The following CA10 variants were observed in gnomAD, a reference collection of about 807,000 sequenced individuals.
CA10 encodes carbonic anhydrase 10 (inactive).
A neutral mutation model predicts 44.2 loss-of-function variants in CA10; 14 were observed. The observed-to-expected ratio is 0.32, with a 90% confidence interval of 0.21 to 0.50. The LOEUF (loss-of-function observed/expected upper bound fraction) is 0.50. CA10 is among the 20% of genes least tolerant of loss of function. The pLI is 0.99. For missense variants in CA10, 350 were observed against 409.7 expected, an observed-to-expected ratio of 0.85 and a Z score of 1.26; for synonymous variants, 159 against 141.6, an observed-to-expected ratio of 1.12 and a Z score of -0.87.
chr17:51,877,210 T>C (rs963659645), intron 3 of CA10, among the ~76,000 whole-genome samples: 1 of 152,340 alleles, frequency 6.6e-6, no homozygotes, highest in Middle Eastern at 3.4e-3. Flanking sequence ...TCAGCCAATG[T>C]TGCTGAGTAG....
At chr17:51,822,013 C>T (rs1220277920) in intron 3 of CA10, among the ~76,000 whole-genome samples, 8 of 152,284 alleles carry the variant, frequency 5.3e-5, no homozygotes, top group African/African-American at 1.4e-4. Context: ...CACACACTCA[C>T]CTGAGAGTTT....
intron 3 of CA10, among the ~76,000 whole-genome samples, chr17:51,754,194 G>C (rs543380798): frequency 8.3e-4 from 126 of 151,584 alleles, no homozygotes; most frequent in African/African-American, 2.9e-3. Flanking sequence ...TCAAGAGGTG[G>C]GTTGAGAGTG....
intron 4 of CA10, among the ~76,000 whole-genome samples, chr17:51,669,056 C>A (rs534032915): frequency 2.0e-5 from 3 of 152,312 alleles, no homozygotes; most frequent in South Asian, 2.1e-4. Context: ...GACCCTGCAA[C>A]CTCATCCCCG....
chr17:51,774,846 TGCCAGCCA>T (rs1291735909), intron 3 of CA10, among the ~76,000 whole-genome samples: 1 of 152,180 alleles, frequency 6.6e-6, no homozygotes, highest in South Asian at 2.1e-4. Flanking sequence ...GAAAGCAGGA[TGCCAGCCA>T]GCCAGCCAAG....
At chr17:51,640,698 C>T (rs537118745) in intron 6 of CA10, among the ~76,000 whole-genome samples, 3 of 152,248 alleles carry the variant, frequency 2.0e-5, no homozygotes, top group Non-Finnish European at 4.4e-5. Context: ...ATGAGTAAAA[C>T]AGAAGTTTTC....
intron 3 of CA10, among the ~76,000 whole-genome samples, chr17:51,913,005 T>G (rs758849554): frequency 6.6e-6 from 1 of 152,178 alleles, no homozygotes; most frequent in Admixed American, 6.6e-5. Context: ...CTCAACCCAG[T>G]GGCTTTGCCC....
rs138256243 is a variant in CA10, at chr17:52,110,472, A to G, written c.62-38079T>C. On this transcript the variant is annotated intron_variant, in intron 1 of 8. Transcript: ENST00000451037. ...GACATTTATGCAAATGGCTTAGCCAATGCTTGCCCCTAGCAATTGATGTGA... is the reference window on the plus strand; with the variant it reads ...GACATTTATGCAAATGGCTTAGCCAGTGCTTGCCCCTAGCAATTGATGTGA... Among the ~76,000 whole-genome samples the G allele has an allele frequency of 1.5e-4, 23 of 152,374 alleles. No homozygotes were observed. The East Asian group carries it at 1.7e-3, about 12-fold the overall frequency.
intron 1 of CA10, among the ~76,000 whole-genome samples, chr17:52,142,017 C>T (rs1024750944): frequency 2.0e-5 from 3 of 152,192 alleles, no homozygotes; most frequent in African/African-American, 7.2e-5. Flanking sequence ...CTGGACTGCT[C>T]ATAACAGTGT....
intron 3 of CA10, among the ~76,000 whole-genome samples, chr17:51,872,005 T>C (rs1023066324): frequency 1.3e-5 from 2 of 152,204 alleles, no homozygotes; most frequent in African/African-American, 4.8e-5. Flanking sequence ...GGTCCCAGTG[T>C]CCTGTACAAG....
chr17:52,035,760 G>A (rs1370010445), intron 2 of CA10, among the ~76,000 whole-genome samples: 2 of 152,346 alleles, frequency 1.3e-5, no homozygotes, highest in Admixed American at 1.3e-4. Flanking sequence ...TTCCTGCCTC[G>A]TTCGCTCATG....
At chr17:51,772,083 T>A (rs1314520153) in intron 3 of CA10, among the ~76,000 whole-genome samples, 2 of 152,226 alleles carry the variant, frequency 1.3e-5, no homozygotes, top group African/African-American at 4.8e-5. Flanking sequence ...TACTTTCCTC[T>A]ATTTCATTCT....
intron 3 of CA10, among the ~76,000 whole-genome samples, chr17:51,919,704 T>G (rs1392318754): frequency 6.6e-6 from 1 of 152,142 alleles, no homozygotes. Flanking sequence ...CAGGTTGGAG[T>G]GCAGTGGCAC....
chr17:51,754,285 AGTGTGTGTGTGTGTGTGT>A (rs60269292), intron 3 of CA10, among the ~76,000 whole-genome samples: 2 of 140,898 alleles, frequency 1.4e-5, no homozygotes, highest in Non-Finnish European at 3.0e-5. Flanking sequence ...GAAACAGAAT[AGTGTGTGTGTGTGTGTGT>A]GTGTGTGTGT....
At chr17:51,945,166 T>C (rs1598132020) in intron 2 of CA10, among the ~76,000 whole-genome samples, 1 of 152,142 alleles carries the variant, frequency 6.6e-6, no homozygotes, top group South Asian at 2.1e-4. Flanking sequence ...AATTGGCTGG[T>C]TTTCATCCTA....
chr17:51,796,012 C>T (rs1906689657), intron 3 of CA10, among the ~76,000 whole-genome samples: 1 of 152,166 alleles, frequency 6.6e-6, no homozygotes, highest in Non-Finnish European at 1.5e-5. Flanking sequence ...ACGGGGCTTG[C>T]AGTCTGGAAT....
intron 1 of CA10, among the ~76,000 whole-genome samples, chr17:52,108,560 C>A (rs149716004): frequency 2.0e-5 from 3 of 151,578 alleles, no homozygotes; most frequent in Non-Finnish European, 4.4e-5. Flanking sequence ...ATTAGCTGGG[C>A]GTGGTGGTGT....
At chr17:52,019,382 C>T (rs1226845974) in intron 2 of CA10, among the ~76,000 whole-genome samples, 1 of 152,030 alleles carries the variant, frequency 6.6e-6, no homozygotes, top group African/African-American at 2.4e-5. Context: ...TAATGTTTCT[C>T]TGTATTGTCT....
chr17:51,775,726 G>A (rs1189227396), intron 3 of CA10, among the ~76,000 whole-genome samples: 1 of 152,134 alleles, frequency 6.6e-6, no homozygotes, highest in Non-Finnish European at 1.5e-5. Flanking sequence ...CAGGGAGCAC[G>A]ACATAGTCTT....
chr17:52,042,379 A>G (rs1986794764), intron 2 of CA10, among the ~76,000 whole-genome samples: 1 of 151,958 alleles, frequency 6.6e-6, no homozygotes, highest in South Asian at 2.1e-4. Context: ...CTGCTGGTCA[A>G]TTGTATGCCT....
Sources: gnomAD v4.1 joint callset for allele counts (sites outside exome capture counted in the v4.1 genomes callset) on GRCh38, gnomAD v4.1.1 for gene constraint, MANE v1.5 for transcripts, NCBI Gene and HGNC (gene_info 2026-07-23, HGNC 2026-07-21) for gene names.